The following NHSL1 variants were observed in gnomAD, a reference collection of about 807,000 sequenced individuals.
NHSL1 encodes the protein NHS like 1.
A neutral mutation model predicts 95.0 loss-of-function variants in NHSL1; 48 were observed. The ratio of observed to expected loss-of-function variants is 0.51; its 90% CI spans 0.40 to 0.64. The LOEUF (loss-of-function observed/expected upper bound fraction) is 0.64. Ranked by LOEUF, NHSL1 falls within the 30% of genes least tolerant of loss-of-function variation. The pLI, the probability that NHSL1 is intolerant of heterozygous loss-of-function variation, is 0.00. For missense variants in NHSL1, 1,971 were observed against 2,077.7 expected (o/e 0.95, Z 1.00); for synonymous variants, 783 against 833.9 (o/e 0.94, Z 1.05).
upstream of NHSL1, among the ~76,000 whole-genome samples, chr6:138,574,975 T>TCACA (rs1783945473): frequency 6.6e-6 from 1 of 152,154 alleles, no homozygotes; most frequent in African/African-American, 2.4e-5. Flanking sequence ...TCTCAGCTCA[T>TCACA]CACAACCTCT....
At chr6:138,510,115 G>A (rs751434561) in intron 1 of NHSL1, among the ~76,000 whole-genome samples, 3 of 152,178 alleles carry the variant, frequency 2.0e-5, no homozygotes, top group Admixed American at 6.5e-5. Context: ...TAGAGAAAAA[G>A]GATAGAGTTA....
intron 3 of NHSL1, 45 bp from the exon 4 acceptor site, chr6:138,447,238 G>T: frequency 7.0e-7 from 1 of 1,422,904 alleles, no homozygotes; most frequent in Non-Finnish European, 9.5e-7. Flanking sequence ...TAAAGAGCTG[G>T]CAGAAACATT....
intron 2 of NHSL1, among the ~76,000 whole-genome samples, chr6:138,477,417 T>C (rs1203938968): frequency 6.6e-6 from 1 of 152,094 alleles, no homozygotes; most frequent in African/African-American, 2.4e-5. Flanking sequence ...CTGAACAACA[T>C]AATGAGACCG....
intron 1 of NHSL1, among the ~76,000 whole-genome samples, chr6:138,514,421 C>T (rs879629808): frequency 6.6e-6 from 1 of 152,170 alleles, no homozygotes; most frequent in Non-Finnish European, 1.5e-5. Flanking sequence ...TCTAAGACTT[C>T]CAGTGGATGC....
At chr6:138,452,030 G>A (rs1777271229) in intron 3 of NHSL1, among the ~76,000 whole-genome samples, 1 of 152,134 alleles carries the variant, frequency 6.6e-6, no homozygotes. Flanking sequence ...TCAATATAGG[G>A]TGACTTTTTT....
chr6:138,494,951 C>G (rs1253509534), intron 2 of NHSL1, among the ~76,000 whole-genome samples: 1 of 152,112 alleles, frequency 6.6e-6, no homozygotes, highest in Non-Finnish European at 1.5e-5. Flanking sequence ...TTAACATCAA[C>G]AATAAATTGG....
intron 1 of NHSL1, among the ~76,000 whole-genome samples, chr6:138,633,199 C>CA (rs1411985519): frequency 6.6e-6 from 1 of 151,932 alleles, no homozygotes; most frequent in Non-Finnish European, 1.5e-5. Context: ...ACAGGATTTA[C>CA]AAAAAATAGC....
chr6:138,451,074 C>T (rs1163416945), intron 3 of NHSL1, among the ~76,000 whole-genome samples: 2 of 152,180 alleles, frequency 1.3e-5, no homozygotes, highest in Non-Finnish European at 2.9e-5. Context: ...CATGTTGCTC[C>T]TCTGTTCAAA....
chr6:138,425,781 G>A (rs6570236), intron 7 of NHSL1, among the ~76,000 whole-genome samples: 24,549 of 152,022 alleles, frequency 0.16, 3,630 homozygotes, highest in African/African-American at 0.4. Context: ...AGAAGTTGCC[G>A]TCAGACCAGT....
intron 1 of NHSL1, among the ~76,000 whole-genome samples, chr6:138,610,251 G>A (rs1036892045): frequency 2.0e-5 from 3 of 152,112 alleles, no homozygotes; most frequent in Non-Finnish European, 2.9e-5. Context: ...AAAATGTGAA[G>A]AGTCCAGAGA....
intron 1 of NHSL1, among the ~76,000 whole-genome samples, chr6:138,610,794 T>C (rs1340979712): frequency 6.6e-6 from 1 of 151,998 alleles, no homozygotes; most frequent in Non-Finnish European, 1.5e-5. Flanking sequence ...AAAGGCATTA[T>C]TGGCTGGGCG....
At chr6:138,584,624 C>A (rs561120681) in intron 1 of NHSL1, among the ~76,000 whole-genome samples, 26 of 152,326 alleles carry the variant, frequency 1.7e-4, no homozygotes, top group African/African-American at 6.3e-4. Flanking sequence ...ACACTTAAGA[C>A]ACTCAGACAC....
chr6:138,646,928 A>G (rs1017894761), intron 1 of NHSL1, among the ~76,000 whole-genome samples: 1 of 152,352 alleles, frequency 6.6e-6, no homozygotes, highest in Non-Finnish European at 1.5e-5. Context: ...GGCACACACT[A>G]CTGCCTGAAA....
At chr6:138,529,408 G>A (rs1288929209) in intron 1 of NHSL1, among the ~76,000 whole-genome samples, 1 of 152,152 alleles carries the variant, frequency 6.6e-6, no homozygotes, top group Non-Finnish European at 1.5e-5. Flanking sequence ...CTTTCTAAAG[G>A]CTCATTCTCA....
At position 138,424,299 on chromosome 6, in the gene NHSL1, G is replaced by T. The variant is rs1444786935; in HGVS notation, c.4603C>A (p.Pro1535Thr). 6.6e-7 allele frequency: 1 copy of T among 1,513,818 alleles called. No individual in the cohort carries two copies. 93.8% of individuals were successfully genotyped at this position (1,513,818 alleles called of 1,614,324 possible). ...GCCCCGCGGGCTATGCTGTCCACAG[G>T]CTCCACGGCTTCCCCTTCTCCCTCC... Reference protein sequence around the residue: ...ISEGEGEAVEPVDSIARGALG... With the variant: ...ISEGEGEAVETVDSIARGALG... Residue 1535 changes from proline (P) to threonine (T), a missense_variant, in exon 8 of 8, where the codon CCT becomes ACT. Pro to Thr is a conservative substitution (Grantham distance 38). This residue lies in a region of NHSL1 where 223 missense variants were observed against 217.0 expected (regional missense o/e 1.03). Transcript: ENST00000343505. The surrounding 1 kb of genome is among the most constrained non-coding windows in gnomAD (Gnocchi z 5.9).
At chr6:138,668,626 CTTTTT>C (rs1231203513) in intron 1 of NHSL1, among the ~76,000 whole-genome samples, 2 of 130,436 alleles carry the variant, frequency 1.5e-5, no homozygotes. Context: ...ATTTTTTTTT[CTTTTT>C]TTTTTTTTTT....
At chr6:138,604,188 T>C (rs1784405171) in intron 1 of NHSL1, among the ~76,000 whole-genome samples, 1 of 152,128 alleles carries the variant, frequency 6.6e-6, no homozygotes, top group African/African-American at 2.4e-5. Context: ...ATCCAACACC[T>C]TTCCCATCAG....
At chr6:138,425,279 T>G (rs965402947) in intron 7 of NHSL1, among the ~76,000 whole-genome samples, 1 of 152,060 alleles carries the variant, frequency 6.6e-6, no homozygotes, top group Non-Finnish European at 1.5e-5. Flanking sequence ...GTATTTTTAG[T>G]AGAGACGGGG....
At chr6:138,543,016 G>A (rs573798302) in intron 1 of NHSL1, among the ~76,000 whole-genome samples, 4 of 152,202 alleles carry the variant, frequency 2.6e-5, no homozygotes, top group African/African-American at 9.6e-5. Context: ...CTCTCTCCGC[G>A]GCCTTCTAAA....
Sources: allele counts gnomAD v4.1 joint callset (sites outside exome capture counted in the v4.1 genomes callset), GRCh38; gene constraint gnomAD v4.1.1; regional missense constraint gnomAD v4.1.1; non-coding constraint Gnocchi (gnomAD v3.1); transcripts MANE v1.5; gene names NCBI Gene and HGNC (gene_info 2026-07-23, HGNC 2026-07-21).